Variants in KIF1B observed in about 807,000 individuals in gnomAD.
KIF1B encodes kinesin family member 1B, also known as kinesin-like protein KIF1B.
In KIF1B, 76 loss-of-function variants were observed where a neutral mutation model predicts 241.9. That is an observed-to-expected ratio of 0.31 (90% CI 0.26 to 0.38). The LOEUF (loss-of-function observed/expected upper bound fraction) is 0.38, where lower values mean the gene tolerates loss of function less well. Ranked by LOEUF, KIF1B falls within the 10% of genes least tolerant of loss-of-function variation. KIF1B has a pLI of 1.00. For synonymous variants in KIF1B, 750 were observed against 796.7 expected, an observed-to-expected ratio of 0.94 and a Z score of 0.99; for missense variants, 1,622 against 2,271.4, an observed-to-expected ratio of 0.71 and a Z score of 5.81.
intron 8 of KIF1B, 78 bp from the exon 9 acceptor site, chr1:10,272,163 A>T: frequency 1.1e-6 from 1 of 943,296 alleles, no homozygotes; most frequent in Non-Finnish European, 1.7e-6. Flanking sequence ...GCATATGGCA[A>T]ATCATATTTT....
At chr1:10,281,694 C>T (rs2102231486) in intron 14 of KIF1B, among the ~76,000 whole-genome samples, 1 of 152,282 alleles carries the variant, frequency 6.6e-6, no homozygotes, top group East Asian at 1.9e-4. Flanking sequence ...AGGACTTATA[C>T]AAAATTCCTC....
In KIF1B at chr1:10,215,161, TATATATATA is replaced by T. The variant is rs1394190305; in HGVS notation, c.-80+4284_-80+4292del. On this transcript the variant is annotated intron_variant, in intron 1 of 48. Transcript: ENST00000676179. ...TTTTATATATATATATATATATATA[TATATATATA>T]TATTTTTTTTTTTTTTTTTTTTTGA... Among the ~76,000 whole-genome samples the T allele has an allele frequency of 7.4e-3, 533 of 71,998 alleles. 8 individuals carry two copies. Among genetic ancestry groups the T allele is most frequent in the African/African-American group, 0.041 (478 of 11,584 alleles). 47.2% of individuals were successfully genotyped at this position (71,998 alleles called of 152,430 possible).
chr1:10,337,234 A>T lies in KIF1B; in HGVS notation c.3259+31A>T. ...TAGACATAGTTTACTGTGCTTGGGG[A>T]CATTTTCGACAAAGGGAAAATATTG... On this transcript the variant is annotated intron_variant, in intron 30 of 48. Transcript: ENST00000676179. This position sits in a 1 kb window ranked among gnomAD's most constrained non-coding sequence, Gnocchi z 4.0. 6.2e-7 allele frequency: 1 copy of T among 1,614,138 alleles called. No individual in the cohort carries two copies. The highest frequency in any genetic ancestry group is 8.5e-7 in the Non-Finnish European group (1 of 1,180,022).
chr1:10,228,077 C>T (rs1286578068), intron 1 of KIF1B, among the ~76,000 whole-genome samples: 2 of 151,484 alleles, frequency 1.3e-5, no homozygotes, highest in Non-Finnish European at 2.9e-5. Flanking sequence ...CCCAGCTACT[C>T]GGGAGGCTGA....
chr1:10,303,419 A>G lies in KIF1B; in HGVS notation c.2115+6173A>G, dbSNP rs754308345. 3.1e-6 allele frequency: 5 copies of G among 1,614,216 alleles called. No individual in the cohort carries two copies. The highest frequency in any genetic ancestry group is 4.5e-5 in the East Asian group (2 of 44,884). ...ATTCAGGCTGTCAAAGAGATTTGCT[A>G]TGAGGTTGCTCTCAATGACTTCAGG... On this transcript the variant is annotated intron_variant, in intron 22 of 48. Coordinates refer to ENST00000676179, the MANE Select transcript of KIF1B (RefSeq NM_001365951.3). The surrounding 1 kb of genome is among the most constrained non-coding windows in gnomAD (Gnocchi z 5.2).
intron 4 of KIF1B, among the ~76,000 whole-genome samples, chr1:10,259,221 C>T (rs76701236): frequency 1.3e-5 from 2 of 149,332 alleles, no homozygotes; most frequent in African/African-American, 2.5e-5. Context: ...AATGAAGAAG[C>T]GTTCTGACAT....
rs1361598631 is a variant in KIF1B at position 10,291,159 on chromosome 1, G to A, written c.1512G>A (p.Glu504=). The A allele has an allele frequency of 1.9e-6, 3 of 1,603,962 alleles. No individual in the cohort carries two copies. The highest frequency in any genetic ancestry group is 2.6e-6 in the Non-Finnish European group (3 of 1,171,104). Residue 504 remains glutamate, a splice_region_variant and synonymous_variant, in exon 16 of 49, where the codon GAG becomes GAA. Transcript: ENST00000676179. The part of the protein sequence containing the change: ...KLRKTEAIRM[E]REALLAEMGV... ...GTAAAACAGAGGCCATCAGAATGGA[G>A]AGGTCAGGAGGTTAAAATCTGGAAA...
At chr1:10,322,780 CTT>C (rs1397346764) in intron 24 of KIF1B, among the ~76,000 whole-genome samples, 1 of 152,084 alleles carries the variant, frequency 6.6e-6, no homozygotes, top group African/African-American at 2.4e-5. Context: ...CAGTAACTGT[CTT>C]TTTTTCTTAC....
At chr1:10,260,366 A>G (rs1648061321) in intron 4 of KIF1B, among the ~76,000 whole-genome samples, 1 of 152,246 alleles carries the variant, frequency 6.6e-6, no homozygotes, top group Non-Finnish European at 1.5e-5. Context: ...TCAGTGAGCA[A>G]GTGGTGAGTA....
At chr1:10,222,474 A>AT (rs1167153655) in intron 1 of KIF1B, among the ~76,000 whole-genome samples, 1 of 152,160 alleles carries the variant, frequency 6.6e-6, no homozygotes, top group Non-Finnish European at 1.5e-5. Context: ...TGAACTGATC[A>AT]TTTTTTTAGG....
intron 3 of KIF1B, among the ~76,000 whole-genome samples, chr1:10,257,630 T>G (rs1647872501): frequency 6.6e-6 from 1 of 152,126 alleles, no homozygotes; most frequent in Admixed American, 6.6e-5. Flanking sequence ...AGTTTACTTC[T>G]GCATCATTCA....
chr1:10,214,194 C>A (rs545468583), intron 1 of KIF1B, among the ~76,000 whole-genome samples: 23 of 152,206 alleles, frequency 1.5e-4, no homozygotes, highest in African/African-American at 5.3e-4. Flanking sequence ...CATTGATGCT[C>A]TTTTACTATA....
intron 4 of KIF1B, among the ~76,000 whole-genome samples, chr1:10,261,126 C>A (rs1047947539): frequency 2.0e-5 from 3 of 149,942 alleles, no homozygotes; most frequent in Non-Finnish European, 4.4e-5. Flanking sequence ...ACCACCACGT[C>A]TGGCTAATTT....
chr1:10,312,548 T>G (rs1157114825), intron 22 of KIF1B, among the ~76,000 whole-genome samples: 3 of 151,572 alleles, frequency 2.0e-5, no homozygotes, highest in Non-Finnish European at 4.4e-5. Context: ...GCTACCTGAT[T>G]ACATCTGATG....
chr1:10,364,833 G>A (rs1557739147), intron 41 of KIF1B, among the ~76,000 whole-genome samples: 6 of 151,240 alleles, frequency 4.0e-5, no homozygotes, highest in Non-Finnish European at 7.4e-5. Flanking sequence ...AGTGAAACCC[G>A]GTCTCTACTA....
chr1:10,254,405 A>AGTATTTTG (rs1330352421), intron 2 of KIF1B, among the ~76,000 whole-genome samples: 2 of 152,200 alleles, frequency 1.3e-5, no homozygotes, highest in African/African-American at 4.8e-5. Context: ...GGTAACATGC[A>AGTATTTTG]GTTAATTACA....
intron 1 of KIF1B, among the ~76,000 whole-genome samples, chr1:10,219,613 C>T (rs1646814189): frequency 6.6e-6 from 1 of 151,078 alleles, no homozygotes; most frequent in Non-Finnish European, 1.5e-5. Flanking sequence ...AAAAAATCAG[C>T]TGAGTGTGGT....
At chr1:10,353,271 A>G (rs1347989826) in intron 38 of KIF1B, among the ~76,000 whole-genome samples, 2 of 152,246 alleles carry the variant, frequency 1.3e-5, no homozygotes, top group African/African-American at 2.4e-5. Flanking sequence ...AAATAATATG[A>G]ACTCTTATGA....
chr1:10,368,433 A>G, intron 43 of KIF1B, 34 bp from the exon 44 acceptor site: 1 of 1,584,038 alleles, frequency 6.3e-7, no homozygotes, highest in Non-Finnish European at 8.7e-7. Flanking sequence ...TTGACATTTT[A>G]TGTTCAGCTT....
Sources: allele counts gnomAD v4.1 joint callset (sites outside exome capture counted in the v4.1 genomes callset), GRCh38; gene constraint gnomAD v4.1.1; non-coding constraint Gnocchi (gnomAD v3.1); transcripts MANE v1.5; gene names NCBI Gene and HGNC (gene_info 2026-07-23, HGNC 2026-07-21).